The following SBF2 variants were observed in gnomAD, a reference collection of about 807,000 sequenced individuals.
SBF2 encodes myotubularin-related protein 13.
SBF2 carries 112 observed loss-of-function variants against 225.2 expected under a neutral mutation model. The ratio of observed to expected loss-of-function variants is 0.50; its 90% CI spans 0.43 to 0.58. The LOEUF (loss-of-function observed/expected upper bound fraction) is 0.58, where lower values mean the gene tolerates loss of function less well. Ranked by LOEUF, SBF2 falls within the 20% of genes least tolerant of loss-of-function variation. The pLI is 0.00. For missense variants in SBF2, 1,996 were observed against 2,206.2 expected (o/e 0.90, Z 1.91); for synonymous variants, 763 against 773.3 (o/e 0.99, Z 0.22).
In SBF2 at chr11:9,896,108, T is replaced by C. The variant is rs568631859; in HGVS notation, c.1861-97A>G. On this transcript the variant is annotated intron_variant, in intron 16 of 39. Transcript: ENST00000256190. ...CTGGGATACACTGTTTACTGTCCTATGGGGTTTTTACCTTTTTATTTTGCA... is the reference window on the plus strand; with the variant it reads ...CTGGGATACACTGTTTACTGTCCTACGGGGTTTTTACCTTTTTATTTTGCA... 3.0e-6 allele frequency: 3 copies of C among 997,672 alleles called. No individual in the cohort carries two copies. In the South Asian group the frequency reaches 3.8e-5, roughly 13 times the overall value. 61.8% of individuals were successfully genotyped at this position (997,672 alleles called of 1,614,324 possible).
chr11:10,210,773 G>A (rs1487104865), intron 1 of SBF2, among the ~76,000 whole-genome samples: 1 of 151,956 alleles, frequency 6.6e-6, no homozygotes, highest in East Asian at 1.9e-4. Flanking sequence ...AGCACTTTGG[G>A]AGGCCGAGGG....
chr11:10,302,526 G>C (rs1964607852), intron 1 of SBF2: 1 of 152,282 alleles, frequency 6.6e-6, no homozygotes, highest in African/African-American at 2.4e-5. Context: ...TGCATGCCAA[G>C]ACTCTCAGGT....
intron 2 of SBF2, among the ~76,000 whole-genome samples, chr11:10,087,254 C>G (rs1391266852): frequency 6.6e-6 from 1 of 152,158 alleles, no homozygotes; most frequent in Non-Finnish European, 1.5e-5. Flanking sequence ...GCTTTTCAAT[C>G]TGAAGTTCCA....
At chr11:10,150,569 T>C (rs1228539971) in intron 2 of SBF2, among the ~76,000 whole-genome samples, 1 of 152,202 alleles carries the variant, frequency 6.6e-6, no homozygotes, top group Non-Finnish European at 1.5e-5. Context: ...AAAATTGTTT[T>C]GTTACAATAA....
chr11:10,206,655 A>T (rs1477491108), intron 1 of SBF2, among the ~76,000 whole-genome samples: 1 of 152,130 alleles, frequency 6.6e-6, no homozygotes, highest in Non-Finnish European at 1.5e-5. Context: ...ATACGTTATA[A>T]ATCAAACAGA....
At chr11:9,962,145 C>G (rs753954925) in intron 15 of SBF2, 39 bp from the exon 16 acceptor site, 6 of 1,592,208 alleles carry the variant, frequency 3.8e-6, no homozygotes, top group Non-Finnish European at 5.2e-6. Context: ...AATGGTACCA[C>G]TGGGGGAAAC....
Position 10,273,861 on chromosome 11 carries a change from C to A in SBF2, c.55+20154G>T, listed in dbSNP as rs572761292. On this transcript the variant is annotated intron_variant, in intron 1 of 39. Coordinates refer to ENST00000256190, the MANE Select transcript of SBF2 (RefSeq NM_030962.4). ...AGGAATAGGTTGTCTGTCTTGCCAC[C>A]ATCTAGGGCCTAGACTTAAGGAAAC... Among the ~76,000 whole-genome samples the A allele has an allele frequency of 3.9e-5, 6 of 152,262 alleles. No homozygotes were observed. In the South Asian group the frequency reaches 1.2e-3, roughly 32 times the overall value.
At chr11:10,301,412 A>G (rs563282689) in intron 1 of SBF2, among the ~76,000 whole-genome samples, 11 of 152,344 alleles carry the variant, frequency 7.2e-5, no homozygotes, top group African/African-American at 2.4e-4. Flanking sequence ...GATCAAATCC[A>G]CAAGGCTGAT....
intron 33 of SBF2, 104 bp downstream of exon 33, chr11:9,795,727 T>C (rs1428733291): frequency 1.4e-6 from 2 of 1,409,940 alleles, no homozygotes; most frequent in Admixed American, 3.4e-5. Flanking sequence ...GAGTTAAACC[T>C]TAACTCAGCT....
At chr11:10,248,832 A>T (rs1446836087) in intron 1 of SBF2, among the ~76,000 whole-genome samples, 1 of 152,262 alleles carries the variant, frequency 6.6e-6, no homozygotes, top group African/African-American at 2.4e-5. Flanking sequence ...GCGGAGGCTT[A>T]CGCCTGTAAT....
intron 16 of SBF2, among the ~76,000 whole-genome samples, chr11:9,932,647 GA>G (rs1283490544): frequency 1.3e-5 from 2 of 151,940 alleles, no homozygotes; most frequent in African/African-American, 2.4e-5. Flanking sequence ...ACATGGAAAG[GA>G]ACAACCAGTA....
At chr11:9,986,659 T>A (rs2060100792) in intron 13 of SBF2, among the ~76,000 whole-genome samples, 1 of 151,984 alleles carries the variant, frequency 6.6e-6, no homozygotes. Context: ...TTTACGCACA[T>A]AAACTAGAAA....
intron 16 of SBF2, among the ~76,000 whole-genome samples, 166 bp from the exon 17 acceptor site, chr11:9,896,177 T>G (rs1359944572): frequency 6.6e-6 from 1 of 152,218 alleles, no homozygotes; most frequent in Non-Finnish European, 1.5e-5. Flanking sequence ...CAAATTGCCA[T>G]TAAGACATAG....
At position 10,074,024 on chromosome 11, in the gene SBF2, G is replaced by A. The variant is rs115177183; in HGVS notation, c.142-31043C>T. Among the ~76,000 whole-genome samples the A allele has an allele frequency of 1.3e-3, 199 of 152,220 alleles. 1 individual carries two copies. The highest frequency in any genetic ancestry group is 4.7e-3 in the African/African-American group (194 of 41,554). On this transcript the variant is annotated intron_variant, in intron 2 of 39. Coordinates refer to ENST00000256190, the MANE Select transcript of SBF2 (RefSeq NM_030962.4). ...ATCAAATGTAATTATCATTTTATAG[G>A]TGAAAATAAATGGATGTAGACAATT...
chr11:9,938,450 A>G (rs1466248617), intron 16 of SBF2, among the ~76,000 whole-genome samples: 1 of 151,962 alleles, frequency 6.6e-6, no homozygotes, highest in East Asian at 1.9e-4. Context: ...ATCAATGCCC[A>G]GGAATGGCTT....
intron 2 of SBF2, among the ~76,000 whole-genome samples, chr11:10,095,881 G>C (rs950341282): frequency 2.0e-5 from 3 of 152,042 alleles, no homozygotes; most frequent in South Asian, 4.1e-4. Context: ...TAGAGTCTCA[G>C]AGCGGGGGAA....
chr11:10,060,207 A>G (rs559079068), intron 2 of SBF2, among the ~76,000 whole-genome samples: 7 of 152,128 alleles, frequency 4.6e-5, no homozygotes, highest in African/African-American at 9.7e-5. Context: ...TTACTACTGA[A>G]CCCACAGAAA....
At chr11:10,247,156 C>G (rs989033495) in intron 1 of SBF2, among the ~76,000 whole-genome samples, 1 of 152,166 alleles carries the variant, frequency 6.6e-6, no homozygotes. Context: ...GAATGTAACA[C>G]TTTCCCAGCC....
At chr11:10,104,500 G>A (rs760172460) in intron 2 of SBF2, among the ~76,000 whole-genome samples, 4 of 152,144 alleles carry the variant, frequency 2.6e-5, no homozygotes, top group Non-Finnish European at 4.4e-5. Context: ...CTTCCGCAAC[G>A]TAGGTGCAAA....
Sources: allele counts gnomAD v4.1 joint callset (sites outside exome capture counted in the v4.1 genomes callset), GRCh38; gene constraint gnomAD v4.1.1; transcripts MANE v1.5; gene names NCBI Gene and HGNC (gene_info 2026-07-23, HGNC 2026-07-21).